BTG4: variants seen among roughly 807,000 people sequenced by gnomAD.
The protein encoded by BTG4 is protein BTG4.
BTG4 carries 10 observed loss-of-function variants against 19.3 expected under a neutral mutation model. The ratio of observed to expected loss-of-function variants is 0.52; its 90% CI spans 0.32 to 0.88. BTG4 has a LOEUF of 0.88. BTG4 is among the 40% of genes least tolerant of loss of function. The probability of loss-of-function intolerance (pLI) is 0.04; values close to 1 mark genes in which losing one functional copy is unlikely to be tolerated. For missense variants in BTG4, 238 were observed against 281.9 expected, an observed-to-expected ratio of 0.84 and a Z score of 1.11; for synonymous variants, 91 against 95.7, an observed-to-expected ratio of 0.95 and a Z score of 0.29.
At chr11:111,397,740 T>G in the BTG4 span, 5 of 152,228 alleles carry the variant, frequency 3.3e-5, no homozygotes, top group African/African-American at 9.6e-5. Context: ...TGTTCATTGA[T>G]GTATCCCAAT....
upstream of BTG4, chr11:111,513,556 T>C: frequency 2.0e-6 from 1 of 498,888 alleles, no homozygotes; most frequent in Non-Finnish European, 4.3e-6. Flanking sequence ...ATCATCAATG[T>C]GCGTGGGGAA....
the BTG4 span, among the ~76,000 whole-genome samples, chr11:111,383,857 T>G: frequency 6.6e-6 from 1 of 152,208 alleles, no homozygotes; most frequent in Non-Finnish European, 1.5e-5. Context: ...CAGCTGAGCA[T>G]GGGACAGCTC....
At chr11:111,489,850 G>C (rs1591495908), downstream of BTG4, among the ~76,000 whole-genome samples, 1 of 152,126 alleles carries the variant, frequency 6.6e-6, no homozygotes, top group African/African-American at 2.4e-5. Flanking sequence ...AGCCGGGAAG[G>C]GTAGCAGGGA....
chr11:111,392,220 C>T, the BTG4 span, among the ~76,000 whole-genome samples: 1 of 140,806 alleles, frequency 7.1e-6, no homozygotes, highest in Non-Finnish European at 1.5e-5. Flanking sequence ...CTCTGTCACC[C>T]AGGCTAGAGT....
chr11:111,420,071 G>A, the BTG4 span, among the ~76,000 whole-genome samples: 7 of 152,166 alleles, frequency 4.6e-5, no homozygotes, highest in African/African-American at 1.7e-4. Context: ...CAACTGTAGT[G>A]TCCTAGAGAT....
chr11:111,458,568 T>C, the BTG4 span, among the ~76,000 whole-genome samples: 3 of 152,164 alleles, frequency 2.0e-5, no homozygotes, highest in Admixed American at 2.0e-4. Context: ...TTAAATGAGT[T>C]GCCCAGCTGG....
At chr11:111,496,800 T>C (rs985863958) in intron 4 of BTG4, 10 of 205,356 alleles carry the variant, frequency 4.9e-5, no homozygotes, top group Non-Finnish European at 6.7e-5. Flanking sequence ...AAAAAATAGC[T>C]GAGAAAAACT....
At chr11:111,434,167 T>C in the BTG4 span, among the ~76,000 whole-genome samples, 1 of 152,144 alleles carries the variant, frequency 6.6e-6, no homozygotes, top group Non-Finnish European at 1.5e-5. Flanking sequence ...CCATCAATGA[T>C]AGACTGGATA....
At chr11:111,488,435 T>C (rs1027214830) in intron 5 of BTG4, among the ~76,000 whole-genome samples, 10 of 152,204 alleles carry the variant, frequency 6.6e-5, no homozygotes, top group African/African-American at 2.2e-4. Context: ...TCTTGCCATA[T>C]GTAGAAATCC....
At chr11:111,404,898 A>G in the BTG4 span, among the ~76,000 whole-genome samples, 1 of 152,168 alleles carries the variant, frequency 6.6e-6, no homozygotes, top group Non-Finnish European at 1.5e-5. Context: ...TTATCTTGTT[A>G]TCTTATTCTG....
At chr11:111,431,297 C>T in the BTG4 span, among the ~76,000 whole-genome samples, 2 of 152,056 alleles carry the variant, frequency 1.3e-5, no homozygotes, top group African/African-American at 4.8e-5. Context: ...TTTTGGAGCC[C>T]TTGATGTGTC....
chr11:111,384,771 C>T, the BTG4 span: 1 of 152,190 alleles, frequency 6.6e-6, no homozygotes, highest in East Asian at 1.9e-4. Context: ...TAGGAATTTT[C>T]TTAAAGCTGG....
intron 1 of BTG4, among the ~76,000 whole-genome samples, chr11:111,505,893 T>A (rs1366373603): frequency 6.6e-6 from 1 of 152,066 alleles, no homozygotes; most frequent in African/African-American, 2.4e-5. Context: ...TCACTAATCA[T>A]CAGAGAAATG....
chr11:111,491,040 A>G (rs746596115), downstream of BTG4, among the ~76,000 whole-genome samples: 44 of 152,268 alleles, frequency 2.9e-4, no homozygotes, highest in Admixed American at 2.6e-3. Context: ...CTGCTCAGCA[A>G]CAATAAGGAA....
At chr11:111,493,518 T>C (rs1440441451), downstream of BTG4, among the ~76,000 whole-genome samples, 1 of 152,170 alleles carries the variant, frequency 6.6e-6, no homozygotes, top group South Asian at 2.1e-4. Context: ...CCATTGCTGG[T>C]AGTCTTGTTT....
At chr11:111,395,672 A>G in the BTG4 span, among the ~76,000 whole-genome samples, 5 of 152,354 alleles carry the variant, frequency 3.3e-5, no homozygotes, top group Non-Finnish European at 5.9e-5. Flanking sequence ...AAGCTGATAC[A>G]AAAGCCCCAA....
chr11:111,513,368 A>C, upstream of BTG4: 1 of 532,174 alleles, frequency 1.9e-6, no homozygotes, highest in East Asian at 5.4e-5. Context: ...TTGAGCTCCA[A>C]CTCAACCAAT....
At chr11:111,450,207 C>T in the BTG4 span, 1 of 152,356 alleles carries the variant, frequency 6.6e-6, no homozygotes, top group South Asian at 2.1e-4. Flanking sequence ...CCCACCCCCA[C>T]CTCCCTTGTG....
At chr11:111,429,955 T>C in the BTG4 span, among the ~76,000 whole-genome samples, 1 of 152,230 alleles carries the variant, frequency 6.6e-6, no homozygotes, top group Non-Finnish European at 1.5e-5. Context: ...GTTTTGTTTT[T>C]CCCTTGTCTT....
Sources: gnomAD v4.1 joint callset for allele counts (sites outside exome capture counted in the v4.1 genomes callset) on GRCh38, gnomAD v4.1.1 for gene constraint, MANE v1.5 for transcripts, NCBI Gene and HGNC (gene_info 2026-07-23, HGNC 2026-07-21) for gene names.